The following BMPER variants were observed in gnomAD, a reference collection of about 807,000 sequenced individuals.
BMPER encodes the protein BMP-binding endothelial regulator protein.
In BMPER, 45 loss-of-function variants were observed where a neutral mutation model predicts 87.3. The ratio of observed to expected loss-of-function variants is 0.52; its 90% CI spans 0.41 to 0.66. The LOEUF is 0.66. Among genes scored for constraint, BMPER ranks in the 30% least tolerant of loss-of-function variants. BMPER has a pLI of 0.00. For missense variants in BMPER, 784 were observed against 867.5 expected (o/e 0.90, Z 1.21); for synonymous variants, 326 against 316.2 (o/e 1.03, Z -0.33).
chr7:33,961,734 T>A (rs916860877), intron 3 of BMPER, among the ~76,000 whole-genome samples: 1 of 151,866 alleles, frequency 6.6e-6, no homozygotes, highest in African/African-American at 2.4e-5. Flanking sequence ...GAGAGTAAAG[T>A]TTTAGTGGAG....
At chr7:33,928,415 A>G (rs1460336317) in intron 2 of BMPER, among the ~76,000 whole-genome samples, 2 of 152,094 alleles carry the variant, frequency 1.3e-5, no homozygotes, top group Non-Finnish European at 2.9e-5. Context: ...GCGCAGTCTA[A>G]TAAAAAACAG....
chr7:34,092,683 A>C (rs973908163), intron 13 of BMPER, among the ~76,000 whole-genome samples: 1 of 152,120 alleles, frequency 6.6e-6, no homozygotes, highest in Non-Finnish European at 1.5e-5. Context: ...GATCCATCCA[A>C]GTCACCCAAA....
intron 6 of BMPER, among the ~76,000 whole-genome samples, chr7:33,993,408 A>G (rs1185799841): frequency 2.0e-5 from 3 of 151,872 alleles, no homozygotes; most frequent in African/African-American, 7.3e-5. Flanking sequence ...AGTTGATCAC[A>G]TTGGCTCCTG....
intron 2 of BMPER, among the ~76,000 whole-genome samples, chr7:33,935,595 A>C (rs1365380405): frequency 1.6e-5 from 1 of 62,350 alleles, no homozygotes; most frequent in African/African-American, 7.9e-5. Flanking sequence ...AGAAAGAGAC[A>C]GAGAGAGAGA....
intron 3 of BMPER, among the ~76,000 whole-genome samples, chr7:33,941,007 A>T (rs1247679336): frequency 7.4e-6 from 1 of 135,376 alleles, no homozygotes; most frequent in Non-Finnish European, 1.5e-5. Flanking sequence ...TATAATTTAT[A>T]TGTAATATAT....
intron 6 of BMPER, among the ~76,000 whole-genome samples, chr7:34,001,563 C>CTTTTTTTTT (rs34700644): frequency 7.2e-6 from 1 of 138,610 alleles, no homozygotes; most frequent in African/African-American, 2.6e-5. Context: ...AATCTGCTTT[C>CTTTTTTTTT]TTTTTTTTTT....
In BMPER at chr7:34,131,384, G is replaced by T. The variant is rs1023477688; in HGVS notation, c.1746-11846G>T. On this transcript the variant is annotated intron_variant, in intron 13 of 14. Coordinates refer to ENST00000649409, the MANE Select transcript of BMPER (RefSeq NM_001365308.1). Reference sequence around the variant, plus strand: ...GGTTTATTGTGGAGCCAAAAGGCACGGCAGATGCTTGATGCAAGGCCCCCA... The same window carrying T: ...GGTTTATTGTGGAGCCAAAAGGCACTGCAGATGCTTGATGCAAGGCCCCCA... 6.6e-5 allele frequency among the ~76,000 whole-genome samples: 10 copies of T among 152,272 alleles called. No individual in the cohort carries two copies. In the East Asian group the frequency reaches 1.7e-3, roughly 26 times the overall value.
At chr7:34,112,304 C>T (rs896941568) in intron 13 of BMPER, among the ~76,000 whole-genome samples, 12 of 151,492 alleles carry the variant, frequency 7.9e-5, no homozygotes, top group African/African-American at 2.9e-4. Context: ...ACCATCCCGG[C>T]TAACATGGTG....
chr7:33,973,257 C>G (rs1397605612), intron 5 of BMPER, among the ~76,000 whole-genome samples: 3 of 152,172 alleles, frequency 2.0e-5, no homozygotes, highest in African/African-American at 7.2e-5. Flanking sequence ...AGAATTAAAG[C>G]TGCCTTGTTG....
intron 2 of BMPER, among the ~76,000 whole-genome samples, chr7:33,936,336 G>A (rs1000494180): frequency 6.6e-6 from 1 of 152,172 alleles, no homozygotes; most frequent in Non-Finnish European, 1.5e-5. Flanking sequence ...GCATAGGTGT[G>A]CACACATTTA....
chr7:34,111,779 T>C (rs1485036602), intron 13 of BMPER, among the ~76,000 whole-genome samples: 1 of 152,184 alleles, frequency 6.6e-6, no homozygotes, highest in Non-Finnish European at 1.5e-5. Flanking sequence ...AATGGCACGA[T>C]CTCGGCTCAC....
chr7:33,975,809 T>G (rs143832612), intron 6 of BMPER, among the ~76,000 whole-genome samples: 2 of 152,260 alleles, frequency 1.3e-5, no homozygotes, highest in East Asian at 3.9e-4. Flanking sequence ...ACCATAGCAT[T>G]TGTCATTTCT....
intron 3 of BMPER, among the ~76,000 whole-genome samples, chr7:33,960,437 C>T (rs1319465167): frequency 6.6e-6 from 1 of 152,064 alleles, no homozygotes; most frequent in Non-Finnish European, 1.5e-5. Context: ...TAATTTGGGG[C>T]TTATTGACCA....
At chr7:34,028,846 T>C (rs529037218) in intron 6 of BMPER, among the ~76,000 whole-genome samples, 1 of 151,764 alleles carries the variant, frequency 6.6e-6, no homozygotes. Flanking sequence ...GGCCAACTCC[T>C]CCATGTGGAG....
chr7:34,085,793 A>G lies in BMPER; in HGVS notation c.1446A>G (p.Glu482=), dbSNP rs776948392. The change falls in exon 13 of 15, where the codon GAA becomes GAG. Residue 482 remains glutamate, a synonymous_variant. Transcript: ENST00000649409. Reference sequence around the variant, plus strand: ...CTTGGGATGGAGACAGTTTTGTAGAAGTCATGGCTGCGCCGCATCTCAAGG... The same window carrying G: ...CTTGGGATGGAGACAGTTTTGTAGAGGTCATGGCTGCGCCGCATCTCAAGG... The part of the protein sequence containing the change: ...EISWDGDSFV[E]VMAAPHLKGK... 86 of 1,614,048 alleles carry G rather than the reference A, an allele frequency of 5.3e-5. No individual in the cohort carries two copies. The highest frequency in any genetic ancestry group is 7.3e-5 in the Non-Finnish European group (86 of 1,180,040).
chr7:34,089,507 A>G (rs966583643), intron 13 of BMPER, among the ~76,000 whole-genome samples: 1 of 152,074 alleles, frequency 6.6e-6, no homozygotes, highest in African/African-American at 2.4e-5. Flanking sequence ...TTTTTGAGAC[A>G]GAGTCTTGCT....
At chr7:34,141,911 G>A (rs1192233190) in intron 13 of BMPER, among the ~76,000 whole-genome samples, 2 of 152,144 alleles carry the variant, frequency 1.3e-5, no homozygotes, top group African/African-American at 4.8e-5. Context: ...ACAGTGTGTC[G>A]ATTTTATACC....
intron 3 of BMPER, among the ~76,000 whole-genome samples, chr7:33,940,446 A>C (rs569766930): frequency 6.6e-6 from 1 of 152,328 alleles, no homozygotes; most frequent in African/African-American, 2.4e-5. Flanking sequence ...AGGAATAAGG[A>C]CTGGAGGGAG....
At chr7:34,145,766 A>G (rs768123087) in intron 14 of BMPER, among the ~76,000 whole-genome samples, 1 of 152,222 alleles carries the variant, frequency 6.6e-6, no homozygotes, top group Non-Finnish European at 1.5e-5. Flanking sequence ...GATACAGGAT[A>G]TATGATCCTT....
Sources: gnomAD v4.1 joint callset for allele counts (sites outside exome capture counted in the v4.1 genomes callset) on GRCh38, gnomAD v4.1.1 for gene constraint, MANE v1.5 for transcripts, NCBI Gene and HGNC (gene_info 2026-07-23, HGNC 2026-07-21) for gene names.